TFEC: variants seen among roughly 807,000 people sequenced by gnomAD.
The protein encoded by TFEC is transcription factor EC, also known as class E basic helix-loop-helix protein 34.
TFEC carries 31 observed loss-of-function variants against 41.6 expected under a neutral mutation model. The ratio of observed to expected loss-of-function variants is 0.74; its 90% CI spans 0.56 to 1.01. The LOEUF is 1.01. Among genes scored for constraint, TFEC ranks in the 50% least tolerant of loss-of-function variants. TFEC has a pLI of 0.00. For missense variants in TFEC, 402 were observed against 404.1 expected (o/e 0.99, Z 0.04); for synonymous variants, 143 against 140.6 (o/e 1.02, Z -0.12).
rs1015914321 is a variant in TFEC, at chr7:115,967,157, T to C, written c.267+7013A>G. Among the ~76,000 whole-genome samples, 5 of 151,584 alleles carry C rather than the reference T, an allele frequency of 3.3e-5. No homozygotes were observed. In the East Asian group the frequency reaches 5.8e-4, roughly 18 times the overall value. ...CAAAAATGTAAAAAAGTCTTATATA[T>C]AGTCACATATTATATTTCCAGATAA... On this transcript the variant is annotated intron_variant, in intron 3 of 7. Coordinates refer to ENST00000265440, the MANE Select transcript of TFEC (RefSeq NM_012252.4).
At chr7:116,069,030 A>G (rs1417563678) in intron 3 of TFEC, among the ~76,000 whole-genome samples, 2 of 151,762 alleles carry the variant, frequency 1.3e-5, no homozygotes, top group Non-Finnish European at 3.0e-5. Context: ...TTTAGGGTTT[A>G]TAAACTCTAC....
At chr7:116,013,629 TA>T (rs1317145717) in intron 1 of TFEC, among the ~76,000 whole-genome samples, 1 of 152,168 alleles carries the variant, frequency 6.6e-6, no homozygotes, top group Non-Finnish European at 1.5e-5. Flanking sequence ...ACAAGTGAAC[TA>T]AATTGCATGT....
chr7:116,008,164 T>C (rs919098960), intron 1 of TFEC, among the ~76,000 whole-genome samples: 3 of 152,188 alleles, frequency 2.0e-5, no homozygotes, highest in African/African-American at 7.2e-5. Context: ...GACAGGCAAT[T>C]ATCTCAATAA....
chr7:115,989,636 G>A (rs1269702680), intron 1 of TFEC, among the ~76,000 whole-genome samples: 1 of 152,206 alleles, frequency 6.6e-6, no homozygotes, highest in Non-Finnish European at 1.5e-5. Context: ...TAGCACAGCA[G>A]TCTGAGATTG....
intron 1 of TFEC, among the ~76,000 whole-genome samples, chr7:116,153,658 AAG>A: frequency 6.6e-6 from 1 of 152,172 alleles, no homozygotes; most frequent in South Asian, 2.1e-4. Context: ...TAATTGGACA[AAG>A]AGGAAAAAAA....
intron 3 of TFEC, among the ~76,000 whole-genome samples, chr7:116,058,881 C>T (rs1025782696): frequency 4.6e-5 from 7 of 151,138 alleles, no homozygotes; most frequent in Non-Finnish European, 7.4e-5. Context: ...TGTGAGATGC[C>T]GATAAAGCAA....
At chr7:116,003,605 T>C (rs1457785640) in intron 1 of TFEC, among the ~76,000 whole-genome samples, 2 of 152,056 alleles carry the variant, frequency 1.3e-5, no homozygotes, top group Non-Finnish European at 2.9e-5. Flanking sequence ...AGTATGGAGA[T>C]AGTTAAAGAC....
At chr7:115,964,134 A>C (rs1327049311) in intron 3 of TFEC, among the ~76,000 whole-genome samples, 1 of 151,600 alleles carries the variant, frequency 6.6e-6, no homozygotes, top group African/African-American at 2.4e-5. Flanking sequence ...CATTGATTGT[A>C]AATGCTTAGA....
chr7:116,132,106 A>G lies in TFEC; in HGVS notation c.-68-20068T>C, dbSNP rs529734353. On this transcript the variant is annotated intron_variant, in intron 1 of 8. Coordinates refer to the TFEC transcript ENST00000484212. ...TCATAAAGTATGCTGTTTCCCCTAG[A>G]TCAGCAAAACATGCATAGCAGGTGA... Among the ~76,000 whole-genome samples, 48 of 152,258 alleles carry G rather than the reference A, an allele frequency of 3.2e-4. 1 individual carries two copies. The highest frequency in any genetic ancestry group is 3.1e-3 in the Admixed American group (48 of 15,292).
At position 115,977,050 on chromosome 7, in the gene TFEC, C is replaced by T. The variant is rs976930677; in HGVS notation, c.181-2794G>A. On this transcript the variant is annotated intron_variant, in intron 2 of 7. Coordinates refer to ENST00000265440, the MANE Select transcript of TFEC (RefSeq NM_012252.4). ...ACATGACTACTTTTTTCCCTAATTTCAGTTTTACCATTATCTTAATGGATG... is the reference window on the plus strand; with the variant it reads ...ACATGACTACTTTTTTCCCTAATTTTAGTTTTACCATTATCTTAATGGATG... Among the ~76,000 whole-genome samples, 3 of 152,160 alleles carry T rather than the reference C, an allele frequency of 2.0e-5. No homozygotes were observed. The South Asian group carries it at 6.2e-4, about 32-fold the overall frequency.
intron 3 of TFEC, among the ~76,000 whole-genome samples, chr7:116,094,331 T>G (rs1797397670): frequency 6.6e-6 from 1 of 152,226 alleles, no homozygotes; most frequent in South Asian, 2.1e-4. Context: ...ACTTCAGGTT[T>G]TAGTTTTTCG....
chr7:116,148,640 A>T (rs1798691573), intron 1 of TFEC, among the ~76,000 whole-genome samples: 1 of 152,140 alleles, frequency 6.6e-6, no homozygotes. Flanking sequence ...AAAAGAAGGG[A>T]TCTTTAACCT....
intron 6 of TFEC, among the ~76,000 whole-genome samples, chr7:115,946,487 C>G (rs1451990379): frequency 6.7e-6 from 1 of 150,284 alleles, no homozygotes; most frequent in Non-Finnish European, 1.5e-5. Context: ...GCGATCATGG[C>G]TCACTTAAGC....
Position 116,038,810 on chromosome 7 carries a change from T to A in TFEC, c.199-54297A>T, listed in dbSNP as rs1363037761. Among the ~76,000 whole-genome samples, 4 of 152,072 alleles carry A rather than the reference T, an allele frequency of 2.6e-5. No individual in the cohort carries two copies. In the East Asian group the frequency reaches 5.8e-4, roughly 22 times the overall value. ...TATGCTGGTGTAACAAACAACTCCA[T>A]ATAAACATATAGTGTTAAAAACAAA... is the stretch of plus-strand genomic sequence containing the variant. On this transcript the variant is annotated intron_variant, in intron 3 of 8. Transcript: ENST00000484212.
At chr7:115,998,478 A>G (rs1164452576) in intron 1 of TFEC, among the ~76,000 whole-genome samples, 2 of 151,974 alleles carry the variant, frequency 1.3e-5, no homozygotes, top group African/African-American at 4.8e-5. Context: ...CTTCCTTATT[A>G]ATAATAACAT....
chr7:116,153,942 G>A (rs1798816052), intron 1 of TFEC, among the ~76,000 whole-genome samples: 1 of 152,178 alleles, frequency 6.6e-6, no homozygotes. Context: ...GAAGAAAACA[G>A]AAAAGTGTCC....
intron 1 of TFEC, among the ~76,000 whole-genome samples, chr7:116,135,972 T>C (rs1798425058): frequency 2.0e-5 from 3 of 152,124 alleles, no homozygotes; most frequent in African/African-American, 7.2e-5. Flanking sequence ...CAAAGACTAG[T>C]TCCTCACAGT....
intron 6 of TFEC, among the ~76,000 whole-genome samples, chr7:115,947,607 C>T (rs1262101923): frequency 6.6e-6 from 1 of 151,402 alleles, no homozygotes; most frequent in Admixed American, 6.6e-5. Context: ...TTAATGATTG[C>T]CATTCTAACT....
At chr7:115,955,921 T>C (rs1421696561) in intron 4 of TFEC, among the ~76,000 whole-genome samples, 1 of 152,008 alleles carries the variant, frequency 6.6e-6, no homozygotes, top group African/African-American at 2.4e-5. Context: ...AATTTTACCG[T>C]GGTGTTTGAG....
Sources: gnomAD v4.1 joint callset for allele counts (sites outside exome capture counted in the v4.1 genomes callset) on GRCh38, gnomAD v4.1.1 for gene constraint, MANE v1.5 for transcripts, NCBI Gene and HGNC (gene_info 2026-07-23, HGNC 2026-07-21) for gene names.